Variants in THSD1 observed in about 807,000 individuals in gnomAD.
THSD1 encodes the protein thrombospondin type-1 domain-containing protein 1.
Under a neutral mutation model 46.3 loss-of-function variants are expected in THSD1, and 34 were observed. The ratio of observed to expected loss-of-function variants is 0.74; its 90% confidence interval spans 0.56 to 0.98. The LOEUF is 0.98. Ranked by LOEUF, THSD1 falls within the 50% of genes least tolerant of loss-of-function variation. The probability of loss-of-function intolerance (pLI) is 0.00; values close to 1 mark genes in which losing one functional copy is unlikely to be tolerated. For synonymous variants in THSD1, 407 were observed against 416.5 expected (o/e 0.98, Z 0.28); for missense variants, 1,023 against 1,058.3 (o/e 0.97, Z 0.46).
chr13:52,395,020 GAGA>G (rs1957801310), intron 3 of THSD1, among the ~76,000 whole-genome samples: 1 of 152,196 alleles, frequency 6.6e-6, no homozygotes, highest in African/African-American at 2.4e-5. Context: ...TGTTAGCCAG[GAGA>G]AGGAGAGAGG....
chr13:52,398,947 T>C (rs1447724237), intron 2 of THSD1, among the ~76,000 whole-genome samples: 1 of 152,246 alleles, frequency 6.6e-6, no homozygotes, highest in Admixed American at 6.5e-5. Flanking sequence ...TATTATTTAC[T>C]GATATTCAAG....
chr13:52,404,284 C>T (rs963778545), intron 1 of THSD1, among the ~76,000 whole-genome samples: 1 of 152,098 alleles, frequency 6.6e-6, no homozygotes, highest in Non-Finnish European at 1.5e-5. Flanking sequence ...TATTATATTC[C>T]AAATACATGT....
At position 52,378,061 on chromosome 13, in the gene THSD1, C is replaced by T; in HGVS notation, c.1909G>A (p.Gly637Arg). The T allele has an allele frequency of 6.2e-7, 1 of 1,614,182 alleles. No individual in the cohort carries two copies. Among genetic ancestry groups the T allele is most frequent in the Non-Finnish European group, 8.5e-7 (1 of 1,180,036 alleles). The change falls in exon 5 of 5, where the codon GGG (glycine) becomes AGG (arginine). Residue 637 changes from glycine (G) to arginine (R), a missense_variant. Physicochemically the swap from Gly to Arg is moderately radical, Grantham distance 125 (BLOSUM62 -2). Transcript: ENST00000258613. ...KSQARHVGSRGGPSERSHARN... is the reference protein window; with the variant it reads ...KSQARHVGSRRGPSERSHARN... Reference sequence around the variant, plus strand: ...GCATGGCTCCTTTCGGACGGGCCCCCTCTGCTGCCCACGTGCCTTGCCTGT... The same window carrying T: ...GCATGGCTCCTTTCGGACGGGCCCCTTCTGCTGCCCACGTGCCTTGCCTGT...
chr13:52,400,407 G>A (rs1957846779), intron 2 of THSD1, among the ~76,000 whole-genome samples: 1 of 152,064 alleles, frequency 6.6e-6, no homozygotes, highest in Non-Finnish European at 1.5e-5. Flanking sequence ...AGACTGGCCT[G>A]GCCAACATGG....
In THSD1 at chr13:52,377,658, G is replaced by T; in HGVS notation, c.2312C>A (p.Ser771Ter). 6.2e-7 allele frequency: 1 copy of T among 1,610,158 alleles called. No individual in the cohort carries two copies. Among genetic ancestry groups the T allele is most frequent in the Non-Finnish European group, 8.5e-7 (1 of 1,176,860 alleles). The change falls in exon 5 of 5, where the codon TCA becomes TAA. Residue 771 changes from serine (S) to a stop codon, truncating the protein, a stop_gained. Transcript: ENST00000258613. LOFTEE classifies it high-confidence loss of function. ...RGPSPSHKSV[S>*]RKQSSPISPK... ...GGATATGGGAGAAGACTGCTTCCTT[G>T]AGACACTCTTGTGACTGGGGGACGG...
At chr13:52,385,828 C>G (rs1294631722) in intron 4 of THSD1, among the ~76,000 whole-genome samples, 200 bp downstream of exon 4, 1 of 152,146 alleles carries the variant, frequency 6.6e-6, no homozygotes, top group Non-Finnish European at 1.5e-5. Flanking sequence ...CCCATTATCT[C>G]ACTGGTAAGC....
chr13:52,400,272 G>A (rs1236578468), intron 2 of THSD1, among the ~76,000 whole-genome samples: 2 of 152,112 alleles, frequency 1.3e-5, no homozygotes, highest in East Asian at 3.9e-4. Context: ...GTACTAGAGG[G>A]AGAATTTGCT....
chr13:52,405,857 CT>C (rs904455884), intron 1 of THSD1, among the ~76,000 whole-genome samples, 173 bp downstream of exon 1: 2 of 152,160 alleles, frequency 1.3e-5, no homozygotes, highest in African/African-American at 4.8e-5. Context: ...ACCAATACCC[CT>C]TAAAAGCGTC....
At chr13:52,401,865 T>C (rs561621460) in intron 2 of THSD1, among the ~76,000 whole-genome samples, 5 of 152,210 alleles carry the variant, frequency 3.3e-5, no homozygotes, top group Non-Finnish European at 7.3e-5. Flanking sequence ...TATGAAATAT[T>C]TGGAAATCAT....
intron 1 of THSD1, among the ~76,000 whole-genome samples, chr13:52,403,161 T>C (rs764861585): frequency 2.0e-5 from 3 of 152,200 alleles, no homozygotes; most frequent in South Asian, 2.1e-4. Context: ...CCTTGCACAA[T>C]TGGTGTGTTA....
chr13:52,404,744 A>G (rs1029004525), intron 1 of THSD1, among the ~76,000 whole-genome samples: 1 of 152,196 alleles, frequency 6.6e-6, no homozygotes, highest in Non-Finnish European at 1.5e-5. Flanking sequence ...CAAGCTCCCA[A>G]AAGTTGAACT....
At chr13:52,402,453 T>C in intron 2 of THSD1, 90 bp downstream of exon 2, 1 of 1,325,610 alleles carries the variant, frequency 7.5e-7, no homozygotes, top group Non-Finnish European at 1.1e-6. Flanking sequence ...CCTGCCTCCT[T>C]CAGGAAGAGT....
At chr13:52,391,877 T>G (rs898476697) in intron 3 of THSD1, among the ~76,000 whole-genome samples, 1 of 151,674 alleles carries the variant, frequency 6.6e-6, no homozygotes. Flanking sequence ...CATTTTGAAA[T>G]GTTGTGTTCT....
At chr13:52,384,989 A>G (rs1199936162) in intron 4 of THSD1, among the ~76,000 whole-genome samples, 1 of 152,098 alleles carries the variant, frequency 6.6e-6, no homozygotes, top group African/African-American at 2.4e-5. Flanking sequence ...GAATGAAGGG[A>G]ACAGAGCCTA....
At chr13:52,392,995 C>CTT (rs1009884659) in intron 3 of THSD1, among the ~76,000 whole-genome samples, 9 of 148,254 alleles carry the variant, frequency 6.1e-5, no homozygotes, top group Middle Eastern at 3.5e-3. Flanking sequence ...AAAACAGAGC[C>CTT]TTTTTTTTTT....
At position 52,377,871 on chromosome 13, in the gene THSD1, C is replaced by G. The variant is rs1277668657; in HGVS notation, c.2099G>C (p.Arg700Pro). The G allele has an allele frequency of 6.2e-7, 1 of 1,614,192 alleles. No individual in the cohort carries two copies. The highest frequency in any genetic ancestry group is 2.2e-5 in the East Asian group (1 of 44,882). Residue 700 changes from arginine to proline, a missense_variant, in exon 5 of 5, where the codon CGA (arginine) becomes CCA (proline). By Grantham distance (103) the Arg-to-Pro change is moderately radical. Around this residue, in one of 3 missense-constraint regions of THSD1, gnomAD observed 578 missense variants for 497.4 expected, o/e 1.16. Transcript: ENST00000258613. ...QAEDRFRPQS[R>P]GAHLFPEKLE... ...TTTTTCAGGAAACAGGTGGGCACCT[C>G]GACTCTGAGGCCTAAATCTGTCCTC...
In THSD1 at chr13:52,378,534, G is replaced by A; in HGVS notation, c.1436C>T (p.Ser479Leu). 2 of 1,614,138 alleles carry A rather than the reference G, an allele frequency of 1.2e-6. No individual in the cohort carries two copies. Among genetic ancestry groups the A allele is most frequent in the Non-Finnish European group, 1.7e-6 (2 of 1,180,024 alleles). ...CCCCGTGGGCCCGTCTCCCCCATCC[G>A]AGAAGCTCCCGCGCTGCTCGCTCAG... is the stretch of plus-strand genomic sequence containing the variant. Reference protein sequence around the residue: ...CELSEQRGSFSDGGDGPTGSP... With the variant: ...CELSEQRGSFLDGGDGPTGSP... Residue 479 changes from serine to leucine, a missense_variant, in exon 5 of 5, where the codon TCG becomes TTG. Physicochemically the swap from Ser to Leu is moderately radical, Grantham distance 145. Around this residue, in one of 3 missense-constraint regions of THSD1, gnomAD observed 578 missense variants for 497.4 expected, o/e 1.16. Transcript: ENST00000258613.
chr13:52,378,431 G>A lies in THSD1; in HGVS notation c.1539C>T (p.Ser513=). ...TCTGGGCGTTGGACTGGAAGCTCTC[G>A]CTGCCAGAGGCATCATCCTCGGGAG... ...PVPPEDDASG[S]ESFQSNAQKI... Residue 513 remains serine, a synonymous_variant, in exon 5 of 5, where the codon AGC becomes AGT. Transcript: ENST00000258613. 1 of 1,614,112 alleles carries A rather than the reference G, an allele frequency of 6.2e-7. No homozygotes were observed. The highest frequency in any genetic ancestry group is 8.5e-7 in the Non-Finnish European group (1 of 1,180,040).
At chr13:52,388,856 G>A (rs2137733811) in intron 3 of THSD1, among the ~76,000 whole-genome samples, 1 of 152,292 alleles carries the variant, frequency 6.6e-6, no homozygotes. Context: ...AGTGAATTGG[G>A]AGTGTATTGT....
Sources: allele counts gnomAD v4.1 joint callset (sites outside exome capture counted in the v4.1 genomes callset), GRCh38; gene constraint gnomAD v4.1.1; regional missense constraint gnomAD v4.1.1; transcripts MANE v1.5; gene names NCBI Gene and HGNC (gene_info 2026-07-23, HGNC 2026-07-21).